The following CTNNA3 variants were observed in gnomAD, a reference collection of about 807,000 sequenced individuals.
The protein encoded by CTNNA3 is catenin alpha-3.
CTNNA3 carries 76 observed loss-of-function variants against 95.7 expected under a neutral mutation model. That is an observed-to-expected ratio of 0.79 (90% CI 0.66 to 0.96). The LOEUF is 0.96. Among genes scored for constraint, CTNNA3 ranks in the 40% least tolerant of loss-of-function variants. CTNNA3 has a pLI of 0.00. For missense variants in CTNNA3, 1,191 were observed against 1,089.8 expected, an observed-to-expected ratio of 1.09 and a Z score of -1.31; for synonymous variants, 431 against 374.4, an observed-to-expected ratio of 1.15 and a Z score of -1.74.
chr10:66,922,238 T>C (rs1398509622), intron 7 of CTNNA3, among the ~76,000 whole-genome samples: 1 of 152,222 alleles, frequency 6.6e-6, no homozygotes, highest in African/African-American at 2.4e-5. Context: ...CTGTATGCGA[T>C]ATTAAGTGCA....
At chr10:66,428,832 C>A (rs1408072732) in intron 11 of CTNNA3, among the ~76,000 whole-genome samples, 2 of 151,826 alleles carry the variant, frequency 1.3e-5, no homozygotes, top group East Asian at 3.9e-4. Context: ...CCTAACATCA[C>A]AATTAAAAGA....
chr10:67,016,885 A>T (rs1434194965), intron 7 of CTNNA3, among the ~76,000 whole-genome samples: 1 of 152,210 alleles, frequency 6.6e-6, no homozygotes, highest in Non-Finnish European at 1.5e-5. Context: ...AACTGGAATG[A>T]TACGAATATT....
In CTNNA3 at chr10:67,289,519, G is replaced by C. The variant is rs1022423873; in HGVS notation, c.580-69649C>G. Among the ~76,000 whole-genome samples the C allele has an allele frequency of 2.6e-5, 4 of 152,090 alleles. No homozygotes were observed. The East Asian group carries it at 7.7e-4, about 29-fold the overall frequency. On this transcript the variant is annotated intron_variant, in intron 5 of 17. Transcript: ENST00000433211. ...AGGACAGGAAGAAAATAAAAGGGAA[G>C]CCGTTAATCAAACATTTGGCCCTCT...
At chr10:66,007,755 T>TTCCTTCCTCTCTCCCACCCTTCCTTTCC (rs2078922658) in intron 15 of CTNNA3, among the ~76,000 whole-genome samples, 8 of 83,784 alleles carry the variant, frequency 9.5e-5, no homozygotes, top group African/African-American at 3.9e-4. Flanking sequence ...CCTTTCCCCC[T>TTCCTTCCTCTCTCCCACCCTTCCTTTCC]CCCTCCCTCC....
At chr10:66,633,332 T>G (rs1845211695) in intron 9 of CTNNA3, among the ~76,000 whole-genome samples, 1 of 152,214 alleles carries the variant, frequency 6.6e-6, no homozygotes, top group Admixed American at 6.5e-5. Flanking sequence ...ATATCTCAAG[T>G]ATATAATTTT....
At chr10:67,719,115 T>C (rs1841162719) in intron 1 of CTNNA3, among the ~76,000 whole-genome samples, 2 of 152,326 alleles carry the variant, frequency 1.3e-5, no homozygotes, top group South Asian at 2.1e-4. Flanking sequence ...TATTCTCTGA[T>C]GGTAGTTTGT....
chr10:66,000,643 T>C (rs1451854118), intron 15 of CTNNA3, among the ~76,000 whole-genome samples: 2 of 152,198 alleles, frequency 1.3e-5, no homozygotes, highest in Non-Finnish European at 2.9e-5. Context: ...GCGGTTGATT[T>C]TATAGATGAA....
intron 1 of CTNNA3, among the ~76,000 whole-genome samples, chr10:67,727,174 C>T (rs1343682425): frequency 8.3e-6 from 1 of 121,058 alleles, no homozygotes; most frequent in Non-Finnish European, 1.6e-5. Context: ...ATATATGATA[C>T]ATATATTATA....
At chr10:67,559,083 C>T (rs1040889097) in intron 3 of CTNNA3, among the ~76,000 whole-genome samples, 2 of 152,194 alleles carry the variant, frequency 1.3e-5, no homozygotes, top group Non-Finnish European at 2.9e-5. Context: ...AAAAAGACAG[C>T]AGTAACCTCT....
At chr10:66,500,119 GA>G (rs905686175) in intron 11 of CTNNA3, among the ~76,000 whole-genome samples, 1 of 150,736 alleles carries the variant, frequency 6.6e-6, no homozygotes, top group African/African-American at 2.4e-5. Context: ...CATTTCTTAA[GA>G]AAAAAAGATT....
intron 9 of CTNNA3, among the ~76,000 whole-genome samples, chr10:66,729,412 G>A (rs982455743): frequency 6.6e-6 from 1 of 152,194 alleles, no homozygotes; most frequent in Admixed American, 6.5e-5. Flanking sequence ...AGATCTAGAG[G>A]CAGAAATGCC....
At chr10:67,583,710 T>A (rs1228952929) in intron 3 of CTNNA3, among the ~76,000 whole-genome samples, 1 of 152,222 alleles carries the variant, frequency 6.6e-6, no homozygotes, top group Non-Finnish European at 1.5e-5. Context: ...CAGACGTAGA[T>A]GTGGTCTTTT....
chr10:66,835,750 A>G (rs924159053), intron 7 of CTNNA3, among the ~76,000 whole-genome samples: 1 of 152,214 alleles, frequency 6.6e-6, no homozygotes, highest in African/African-American at 2.4e-5. Flanking sequence ...TTAATTAAAC[A>G]TAGTTTCTCC....
At chr10:66,981,269 A>C (rs1382130330) in intron 7 of CTNNA3, among the ~76,000 whole-genome samples, 6 of 152,220 alleles carry the variant, frequency 3.9e-5, no homozygotes, top group Non-Finnish European at 7.3e-5. Context: ...CATCCTAAAA[A>C]TGAATGATTA....
In CTNNA3 at chr10:66,928,159, A is replaced by T. The variant is rs760924532; in HGVS notation, c.1048-152635T>A. The stretch of plus-strand genomic sequence containing the variant: ...AGAGACCGATGCTGACGCCGAGCAC[A>T]TCTCTTTCCATAAAATCATCGCGGG... On this transcript the variant is annotated intron_variant, in intron 7 of 17. Transcript: ENST00000433211. 6 of 1,613,930 alleles carry T rather than the reference A, an allele frequency of 3.7e-6. No homozygotes were observed. In the East Asian group the frequency reaches 6.7e-5, roughly 18 times the overall value.
chr10:66,066,509 A>AATGG (rs1249609835), intron 15 of CTNNA3, among the ~76,000 whole-genome samples: 2 of 152,186 alleles, frequency 1.3e-5, no homozygotes, highest in Non-Finnish European at 2.9e-5. Context: ...CAGAAATTGA[A>AATGG]CCATGGGCCA....
chr10:66,180,824 G>C (rs2086001040), intron 13 of CTNNA3, among the ~76,000 whole-genome samples: 1 of 152,058 alleles, frequency 6.6e-6, no homozygotes, highest in South Asian at 2.1e-4. Context: ...CTGAGAATCT[G>C]AGCTAAGCTT....
At chr10:66,520,577 G>C in intron 11 of CTNNA3, 40 bp downstream of exon 11, 2 of 1,552,974 alleles carry the variant, frequency 1.3e-6, no homozygotes, top group South Asian at 2.3e-5. Context: ...TTATAAAATT[G>C]ACAAGAGAAA....
chr10:67,681,467 G>A lies in CTNNA3; in HGVS notation c.-6+14533C>T, dbSNP rs112520521. On this transcript the variant is annotated intron_variant, in intron 1 of 17. Coordinates refer to ENST00000433211, the MANE Select transcript of CTNNA3 (RefSeq NM_013266.4). Reference sequence around the variant, plus strand: ...TAATGATCAACTGAATAAACATTTAGGAGAAAAATTAAAAATAAAGCTTAC... The same window carrying A: ...TAATGATCAACTGAATAAACATTTAAGAGAAAAATTAAAAATAAAGCTTAC... Among the ~76,000 whole-genome samples, 1,310 of 152,000 alleles carry A rather than the reference G, an allele frequency of 8.6e-3. 25 individuals carry two copies. The highest frequency in any genetic ancestry group is 0.029 in the African/African-American group (1,218 of 41,488).
Sources: allele counts gnomAD v4.1 joint callset (sites outside exome capture counted in the v4.1 genomes callset), GRCh38; gene constraint gnomAD v4.1.1; transcripts MANE v1.5; gene names NCBI Gene and HGNC (gene_info 2026-07-23, HGNC 2026-07-21).